PARN: variants seen among roughly 807,000 people sequenced by gnomAD.
PARN encodes poly(A)-specific ribonuclease, also known as poly(A)-specific ribonuclease PARN.
A neutral mutation model predicts 102.8 loss-of-function variants in PARN; 71 were observed. That is an observed-to-expected ratio of 0.69 (90% confidence interval 0.57 to 0.84). The LOEUF (loss-of-function observed/expected upper bound fraction) is 0.84. Among genes scored for constraint, PARN ranks in the 40% least tolerant of loss-of-function variants. The pLI is 0.00. For synonymous variants in PARN, 261 were observed against 252.9 expected, an observed-to-expected ratio of 1.03 and a Z score of -0.30; for missense variants, 782 against 760.9, an observed-to-expected ratio of 1.03 and a Z score of -0.33.
At chr16:14,498,605 A>G (rs1013243839) in intron 21 of PARN, among the ~76,000 whole-genome samples, 1 of 152,002 alleles carries the variant, frequency 6.6e-6, no homozygotes, top group African/African-American at 2.4e-5. Flanking sequence ...AAAAATGCCA[A>G]CACCACCTCC....
chr16:14,436,132 T>C lies in PARN; in HGVS notation c.*585A>G, dbSNP rs563649427. ...ATAAATATGCCCAAAGGCCAGGGCA[T>C]ACGGCAAGCCCTCTCATGGGTGGGC... On this transcript the variant is annotated 3_prime_UTR_variant, in exon 24 of 24. Transcript: ENST00000437198. 8.5e-5 allele frequency: 13 copies of C among 153,598 alleles called. No individual in the cohort carries two copies. Among genetic ancestry groups the C allele is most frequent in the African/African-American group, 2.4e-4 (10 of 41,584 alleles). The allele number at this position is 153,598 out of a possible 1,614,324, so 9.5% of individuals were successfully genotyped here. A position where few individuals can be genotyped will look rare whatever the true frequency, so the allele number is the denominator to read the frequency against.
chr16:14,569,054 A>T (rs1456953073), intron 18 of PARN, among the ~76,000 whole-genome samples: 1 of 151,504 alleles, frequency 6.6e-6, no homozygotes, highest in Non-Finnish European at 1.5e-5. Context: ...TCTACTAAAA[A>T]TACAAAAATT....
intron 21 of PARN, among the ~76,000 whole-genome samples, chr16:14,493,396 T>A (rs1964154600): frequency 1.3e-5 from 2 of 152,144 alleles, no homozygotes; most frequent in South Asian, 4.1e-4. Flanking sequence ...TTGTATTTTC[T>A]GTAAAGACAA....
chr16:14,615,502 T>C (rs986648590), intron 6 of PARN, among the ~76,000 whole-genome samples: 5 of 152,140 alleles, frequency 3.3e-5, no homozygotes, highest in Non-Finnish European at 7.4e-5. Flanking sequence ...GCTCTGCTGG[T>C]TCAGTCACTA....
At chr16:14,493,351 G>A (rs746163562) in intron 21 of PARN, among the ~76,000 whole-genome samples, 1 of 152,152 alleles carries the variant, frequency 6.6e-6, no homozygotes, top group Non-Finnish European at 1.5e-5. Flanking sequence ...GAGTAGCTGG[G>A]ACTACAGGTG....
chr16:14,516,315 C>T (rs187478082), intron 21 of PARN, among the ~76,000 whole-genome samples: 6 of 152,142 alleles, frequency 3.9e-5, no homozygotes, highest in East Asian at 1.9e-4. Context: ...AACAGAACAA[C>T]GCTGAAAATT....
chr16:14,454,425 T>G (rs1029284727), intron 22 of PARN, among the ~76,000 whole-genome samples: 1 of 152,238 alleles, frequency 6.6e-6, no homozygotes, highest in Non-Finnish European at 1.5e-5. Flanking sequence ...TAAGTCCAAT[T>G]TATCAACATT....
At chr16:14,563,664 T>C (rs1968242931) in intron 18 of PARN, among the ~76,000 whole-genome samples, 1 of 151,514 alleles carries the variant, frequency 6.6e-6, no homozygotes, top group South Asian at 2.1e-4. Flanking sequence ...GCCTCATAAA[T>C]GGCTGGAATG....
At chr16:14,484,977 G>C (rs1398416480) in intron 21 of PARN, among the ~76,000 whole-genome samples, 1 of 152,122 alleles carries the variant, frequency 6.6e-6, no homozygotes, top group Non-Finnish European at 1.5e-5. Flanking sequence ...CCAGCACTTT[G>C]GGAGGCCAAG....
intron 21 of PARN, among the ~76,000 whole-genome samples, chr16:14,508,511 G>A (rs1168863318): frequency 6.6e-6 from 1 of 152,158 alleles, no homozygotes; most frequent in Admixed American, 6.6e-5. Context: ...TCTAAAAAGT[G>A]AGTGTGGGGA....
At chr16:14,513,366 T>C (rs1471395994) in intron 21 of PARN, among the ~76,000 whole-genome samples, 1 of 152,248 alleles carries the variant, frequency 6.6e-6, no homozygotes, top group Admixed American at 6.5e-5. Context: ...CTTTGTTCTC[T>C]CAAACCATTT....
intron 20 of PARN, among the ~76,000 whole-genome samples, chr16:14,553,183 C>G (rs568693183): frequency 1.3e-5 from 2 of 148,350 alleles, no homozygotes; most frequent in East Asian, 4.0e-4. Context: ...TTTGAGAGTC[C>G]GAGGCGGGAG....
At chr16:14,542,184 T>A (rs1292247613) in intron 21 of PARN, among the ~76,000 whole-genome samples, 3 of 152,130 alleles carry the variant, frequency 2.0e-5, no homozygotes, top group Non-Finnish European at 4.4e-5. Flanking sequence ...TTGTTTATTT[T>A]TAGTAGAGAC....
intron 22 of PARN, among the ~76,000 whole-genome samples, chr16:14,464,120 G>T (rs550207241): frequency 6.6e-6 from 1 of 152,178 alleles, no homozygotes; most frequent in African/African-American, 2.4e-5. Context: ...TAGGATTACA[G>T]GCATGAGCCA....
At chr16:14,600,664 C>T (rs1283007148) in intron 11 of PARN, among the ~76,000 whole-genome samples, 2 of 152,166 alleles carry the variant, frequency 1.3e-5, no homozygotes, top group Non-Finnish European at 2.9e-5. Context: ...GGTGAAGTGG[C>T]TCACGCCTGT....
chr16:14,607,952 G>A (rs868106107), intron 9 of PARN, among the ~76,000 whole-genome samples: 1 of 152,118 alleles, frequency 6.6e-6, no homozygotes. Flanking sequence ...AAGAACTCTT[G>A]CTTTACCAAA....
At chr16:14,515,121 A>G (rs1034425055) in intron 21 of PARN, among the ~76,000 whole-genome samples, 11 of 152,180 alleles carry the variant, frequency 7.2e-5, no homozygotes, top group Non-Finnish European at 1.2e-4. Context: ...ACCAAATTCC[A>G]GAACATATAC....
Position 14,630,100 on chromosome 16 carries a change from C to G in PARN, c.19+7G>C, listed in dbSNP as rs905362369. ...GGGAGGCGGGGAGGTGTACGGCGGA[C>G]ACGCACTGCTCCTGATTATCTCCAT... On this transcript the variant is annotated splice_region_variant and intron_variant, in intron 1 of 23. Transcript: ENST00000437198. 6.4e-7 allele frequency: 1 copy of G among 1,559,472 alleles called. No individual in the cohort carries two copies. The highest frequency in any genetic ancestry group is 8.7e-7 in the Non-Finnish European group (1 of 1,150,654).
intron 5 of PARN, among the ~76,000 whole-genome samples, chr16:14,618,580 G>A (rs1372818326): frequency 6.6e-6 from 1 of 150,968 alleles, no homozygotes; most frequent in East Asian, 1.9e-4. Context: ...AAAATTTCTT[G>A]AGTTTGGGAG....
Sources: allele counts gnomAD v4.1 joint callset (sites outside exome capture counted in the v4.1 genomes callset), GRCh38; gene constraint gnomAD v4.1.1; transcripts MANE v1.5; gene names NCBI Gene and HGNC (gene_info 2026-07-23, HGNC 2026-07-21).